Variants in CCR3 observed in about 807,000 individuals in gnomAD.
The protein encoded by CCR3 is C-C chemokine receptor type 3.
For synonymous variants in CCR3, 203 were observed against 179.2 expected (o/e 1.13, Z -1.06); for missense variants, 419 against 437.5 (o/e 0.96, Z 0.38).
At chr3:46,215,902 G>A (rs1699768941) in intron 2 of CCR3, among the ~76,000 whole-genome samples, 1 of 152,174 alleles carries the variant, frequency 6.6e-6, no homozygotes, top group African/African-American at 2.4e-5. Flanking sequence ...CCTATAGATG[G>A]CTACTTCTGA....
At chr3:46,242,984 T>TAC (rs1700117498) in intron 1 of CCR3, among the ~76,000 whole-genome samples, 1 of 107,416 alleles carries the variant, frequency 9.3e-6, no homozygotes, top group African/African-American at 4.4e-5. Flanking sequence ...TATATACACA[T>TAC]ATATATATAT....
intron 2 of CCR3, among the ~76,000 whole-genome samples, chr3:46,234,923 G>T (rs1003672811): frequency 1.5e-4 from 23 of 152,210 alleles, no homozygotes; most frequent in Admixed American, 1.0e-3. Context: ...CACTCACCAG[G>T]TGGAGGGCTC....
chr3:46,245,561 T>C (rs1700173670), intron 1 of CCR3, among the ~76,000 whole-genome samples: 1 of 152,114 alleles, frequency 6.6e-6, no homozygotes, highest in African/African-American at 2.4e-5. Flanking sequence ...ATTTTCCTTT[T>C]TTTTAACTTT....
At chr3:46,215,036 C>G (rs914872194) in intron 2 of CCR3, among the ~76,000 whole-genome samples, 2 of 152,044 alleles carry the variant, frequency 1.3e-5, no homozygotes, top group East Asian at 1.9e-4. Context: ...TCTAAGTGCT[C>G]GCAAGAATGG....
Position 46,244,473 on chromosome 3 carries a change from C to T in CCR3, c.-12+1935C>T, listed in dbSNP as rs574760399. Among the ~76,000 whole-genome samples the T allele has an allele frequency of 4.6e-4, 70 of 152,012 alleles. 1 individual carries two copies. Among genetic ancestry groups the T allele is most frequent in the African/African-American group, 2.2e-4 (9 of 41,430 alleles). On this transcript the variant is annotated intron_variant, in intron 1 of 1. Transcript: ENST00000395940. ...GCAGGCTGAGTCCGAAAAGAGTCAG[C>T]GAAGGGAGATAAGGGTGGGGCCGTT...
At chr3:46,253,157 C>T (rs948420314) in intron 1 of CCR3, among the ~76,000 whole-genome samples, 1 of 152,142 alleles carries the variant, frequency 6.6e-6, no homozygotes, top group Admixed American at 6.5e-5. Flanking sequence ...ATCTTCCTCC[C>T]TCTGGGGGAA....
At chr3:46,246,995 A>C (rs1026790790) in intron 1 of CCR3, among the ~76,000 whole-genome samples, 31 of 152,184 alleles carry the variant, frequency 2.0e-4, no homozygotes, top group African/African-American at 7.5e-4. Flanking sequence ...TTTTGTATGA[A>C]TTGAAAAACT....
chr3:46,221,679 G>A (rs981729183), intron 2 of CCR3, among the ~76,000 whole-genome samples: 2 of 151,078 alleles, frequency 1.3e-5, no homozygotes, highest in Non-Finnish European at 3.0e-5. Flanking sequence ...GTTATTCTGC[G>A]GGGTGGGCTA....
chr3:46,252,169 C>CTTTTTTTT (rs58623050), intron 1 of CCR3, among the ~76,000 whole-genome samples: 3 of 86,846 alleles, frequency 3.5e-5, no homozygotes, highest in East Asian at 4.4e-4. Context: ...TAGTTTCTGT[C>CTTTTTTTT]TTTTTTTTTT....
chr3:46,225,422 T>G (rs1699883416), intron 2 of CCR3, among the ~76,000 whole-genome samples: 1 of 152,230 alleles, frequency 6.6e-6, no homozygotes, highest in African/African-American at 2.4e-5. Flanking sequence ...TCCCAGCTAC[T>G]CGGGATTACC....
chr3:46,265,594 A>G lies in CCR3; in HGVS notation c.436A>G (p.Thr146Ala). 1 of 1,614,094 alleles carries G rather than the reference A, an allele frequency of 6.2e-7. No homozygotes were observed. The highest frequency in any genetic ancestry group is 8.5e-7 in the Non-Finnish European group (1 of 1,179,996). The change falls in exon 2 of 2, where the codon ACT (threonine) becomes GCT (alanine). Residue 146 changes from threonine (T) to alanine (A), a missense_variant. By Grantham distance (58) the Thr-to-Ala change is moderately conservative. Coordinates refer to ENST00000395940, the MANE Select transcript of CCR3 (RefSeq NM_178329.3). ...VHAVFALRAR[T>A]VTFGVITSIV... ...TGCTGTGTTTGCCCTTCGAGCCCGG[A>G]CTGTCACTTTTGGTGTCATCACCAG...
intron 1 of CCR3, chr3:46,264,372 G>A (rs1429661235): frequency 3.4e-6 from 5 of 1,462,058 alleles, no homozygotes; most frequent in Non-Finnish European, 3.7e-6. Context: ...GACAAAATGT[G>A]TATTTTTTTC....
intron 1 of CCR3, among the ~76,000 whole-genome samples, chr3:46,244,004 C>T (rs1448914362): frequency 1.3e-5 from 2 of 152,104 alleles, no homozygotes; most frequent in African/African-American, 4.8e-5. Context: ...GAAATGGGCA[C>T]CATCACCTAC....
intron 2 of CCR3, among the ~76,000 whole-genome samples, chr3:46,216,733 G>A (rs1699779566): frequency 6.6e-6 from 1 of 152,120 alleles, no homozygotes; most frequent in Non-Finnish European, 1.5e-5. Flanking sequence ...TCACCCTAGA[G>A]CGTTGGATCC....
chr3:46,216,377 C>A (rs1699774921), intron 2 of CCR3, among the ~76,000 whole-genome samples: 1 of 152,066 alleles, frequency 6.6e-6, no homozygotes, highest in Non-Finnish European at 1.5e-5. Context: ...AATTGGTGTG[C>A]CTGAGGAAGA....
intron 2 of CCR3, among the ~76,000 whole-genome samples, chr3:46,235,383 A>G (rs1700012867): frequency 6.6e-6 from 1 of 152,226 alleles, no homozygotes; most frequent in African/African-American, 2.4e-5. Flanking sequence ...ACATGCTATC[A>G]TGGTTAGCAT....
Position 46,265,296 on chromosome 3 carries a change from T to A in CCR3, c.138T>A (p.Thr46=). The A allele has an allele frequency of 6.2e-7, 1 of 1,614,152 alleles. No homozygotes were observed. Among genetic ancestry groups the A allele is most frequent in the South Asian group, 1.1e-5 (1 of 91,086 alleles). The change falls in exon 2 of 2, where the codon ACT becomes ACA. Residue 46 remains threonine (T), a synonymous_variant. Transcript: ENST00000395940. Reference sequence around the variant, plus strand: ...CCCCGCTGTACTCCCTGGTGTTCACTGTGGGCCTCTTGGGCAATGTGGTGG... The same window carrying A: ...CCCCGCTGTACTCCCTGGTGTTCACAGTGGGCCTCTTGGGCAATGTGGTGG... ...FVPPLYSLVF[T]VGLLGNVVVV...
chr3:46,250,655 C>T (rs746036991), intron 1 of CCR3, among the ~76,000 whole-genome samples: 7 of 152,016 alleles, frequency 4.6e-5, no homozygotes, highest in Middle Eastern at 3.4e-3. Flanking sequence ...GAAAATAAGG[C>T]GTTTAGGTTT....
chr3:46,224,838 C>T (rs11914967), intron 2 of CCR3, among the ~76,000 whole-genome samples: 5 of 151,792 alleles, frequency 3.3e-5, no homozygotes, highest in Non-Finnish European at 7.4e-5. Flanking sequence ...ACTCTCACAC[C>T]ATGCTGGTGC....
Sources: gnomAD v4.1 joint callset for allele counts (sites outside exome capture counted in the v4.1 genomes callset) on GRCh38, gnomAD v4.1.1 for gene constraint, MANE v1.5 for transcripts, NCBI Gene and HGNC (gene_info 2026-07-23, HGNC 2026-07-21) for gene names.